The following KIF26B variants were observed in gnomAD, a reference collection of about 807,000 sequenced individuals.
KIF26B encodes the protein kinesin family member 26B.
Under a neutral mutation model 151.2 loss-of-function variants are expected in KIF26B, and 63 were observed. The observed-to-expected ratio is 0.42, with a 90% CI of 0.34 to 0.51. KIF26B has a LOEUF of 0.51. Ranked by LOEUF, KIF26B falls within the 20% of genes least tolerant of loss-of-function variation. The pLI is 0.07. For missense variants in KIF26B, 2,813 were observed against 2,913.6 expected (o/e 0.97, Z 0.79); for synonymous variants, 1,357 against 1,262.1 (o/e 1.08, Z -1.59).
At chr1:245,626,599 T>G (rs2103168263) in intron 9 of KIF26B, among the ~76,000 whole-genome samples, 1 of 152,298 alleles carries the variant, frequency 6.6e-6, no homozygotes, top group South Asian at 2.1e-4. Context: ...TTGTTTGGGT[T>G]TTTTGCTGTT....
rs113727391 is a variant in KIF26B at position 245,250,507 on chromosome 1, A to G, written c.465+93824A>G. On this transcript the variant is annotated intron_variant, in intron 2 of 14. Transcript: ENST00000407071. The stretch of plus-strand genomic sequence containing the variant: ...GTAACTCTTCATACCTGTCTTGGTC[A>G]TGTAATGTGCTGGCTCACAGGACAC... Among the ~76,000 whole-genome samples the G allele has an allele frequency of 5.5e-3, 844 of 152,316 alleles. 6 individuals are homozygous for G. The highest frequency in any genetic ancestry group is 0.019 in the African/African-American group (800 of 41,570).
intron 3 of KIF26B, among the ~76,000 whole-genome samples, chr1:245,390,937 A>ACAAAACAAAACAAAACAAAAC (rs1345289139): frequency 7.0e-6 from 1 of 143,132 alleles, no homozygotes; most frequent in Non-Finnish European, 1.5e-5. Context: ...AAAAAAAAAA[A>ACAAAACAAAACAAAACAAAAC]AAAAAAAAAA....
intron 4 of KIF26B, among the ~76,000 whole-genome samples, chr1:245,517,542 G>A (rs1264157145): frequency 6.6e-6 from 1 of 152,206 alleles, no homozygotes; most frequent in Non-Finnish European, 1.5e-5. Context: ...AGGGCAGGAA[G>A]CAGATATTTG....
At chr1:245,226,664 T>C (rs1390585921) in intron 2 of KIF26B, among the ~76,000 whole-genome samples, 1 of 152,130 alleles carries the variant, frequency 6.6e-6, no homozygotes, top group Non-Finnish European at 1.5e-5. Flanking sequence ...GGTTTCTCCA[T>C]GTTGGTCAGG....
At chr1:245,513,880 C>A (rs1341752984) in intron 4 of KIF26B, among the ~76,000 whole-genome samples, 1 of 151,988 alleles carries the variant, frequency 6.6e-6, no homozygotes, top group Non-Finnish European at 1.5e-5. Flanking sequence ...TCCCTGTAAA[C>A]TCCATTCCTC....
At chr1:245,206,479 A>G (rs1202276805) in intron 2 of KIF26B, 5 of 152,254 alleles carry the variant, frequency 3.3e-5, no homozygotes, top group African/African-American at 1.2e-4. Context: ...ATCATGCAAG[A>G]ATGTGTTCTT....
At chr1:245,499,477 G>T (rs1315885565) in intron 4 of KIF26B, among the ~76,000 whole-genome samples, 1 of 152,202 alleles carries the variant, frequency 6.6e-6, no homozygotes, top group East Asian at 1.9e-4. Flanking sequence ...CGGAAGTGAG[G>T]TAGAGATTAT....
chr1:245,636,960 T>C (rs1174074817), intron 9 of KIF26B, among the ~76,000 whole-genome samples: 1 of 152,074 alleles, frequency 6.6e-6, no homozygotes, highest in African/African-American at 2.4e-5. Flanking sequence ...CTATTGTGAA[T>C]AGTGCTACAA....
chr1:245,219,891 C>T (rs1669729398), intron 2 of KIF26B, among the ~76,000 whole-genome samples: 1 of 152,222 alleles, frequency 6.6e-6, no homozygotes, highest in African/African-American at 2.4e-5. Context: ...ACCCAGGCCA[C>T]TGGGACAGCC....
intron 3 of KIF26B, among the ~76,000 whole-genome samples, chr1:245,388,034 G>A (rs937593193): frequency 1.2e-4 from 18 of 152,258 alleles, no homozygotes; most frequent in African/African-American, 4.3e-4. Flanking sequence ...AAAGTGAGCG[G>A]CAGAGTTGCG....
chr1:245,576,243 T>C (rs1240489800), intron 5 of KIF26B, among the ~76,000 whole-genome samples: 1 of 152,156 alleles, frequency 6.6e-6, no homozygotes, highest in Non-Finnish European at 1.5e-5. Context: ...GACTCCAGAG[T>C]TACCGGGACG....
At chr1:245,459,383 C>T (rs1334220631) in intron 4 of KIF26B, among the ~76,000 whole-genome samples, 1 of 152,192 alleles carries the variant, frequency 6.6e-6, no homozygotes, top group Non-Finnish European at 1.5e-5. Context: ...TGTAACTCCT[C>T]TTCTATCCCC....
chr1:245,479,198 T>A (rs1660109155), intron 4 of KIF26B, among the ~76,000 whole-genome samples: 1 of 151,740 alleles, frequency 6.6e-6, no homozygotes, highest in Non-Finnish European at 1.5e-5. Context: ...CTGAGTAAGA[T>A]CACTAAGGCT....
chr1:245,617,751 C>A (rs2043607874), intron 9 of KIF26B, among the ~76,000 whole-genome samples: 1 of 152,148 alleles, frequency 6.6e-6, no homozygotes, highest in African/African-American at 2.4e-5. Flanking sequence ...ATTCCCATCA[C>A]CGCCTCCGTT....
intron 6 of KIF26B, among the ~76,000 whole-genome samples, chr1:245,604,241 G>T (rs2043426439): frequency 6.6e-6 from 1 of 152,176 alleles, no homozygotes; most frequent in Non-Finnish European, 1.5e-5. Flanking sequence ...ATAATCTATA[G>T]CAGAACCTGA....
chr1:245,473,261 G>A (rs1020379334), intron 4 of KIF26B, among the ~76,000 whole-genome samples: 1 of 152,240 alleles, frequency 6.6e-6, no homozygotes, highest in Admixed American at 6.5e-5. Context: ...TGGAGGGCTA[G>A]TATGCAGTGG....
At chr1:245,236,601 T>G (rs1348752229) in intron 2 of KIF26B, among the ~76,000 whole-genome samples, 1 of 152,196 alleles carries the variant, frequency 6.6e-6, no homozygotes, top group Non-Finnish European at 1.5e-5. Context: ...AAGGTTGAAG[T>G]TTGGTATGTT....
chr1:245,222,402 C>T (rs983404809), intron 2 of KIF26B, among the ~76,000 whole-genome samples: 1 of 152,044 alleles, frequency 6.6e-6, no homozygotes, highest in African/African-American at 2.4e-5. Flanking sequence ...GTACCATTGC[C>T]CTCCAGCCTG....
chr1:245,156,822 A>C lies in KIF26B; in HGVS notation c.465+139A>C, dbSNP rs2103515381. 9 of 474,408 alleles carry C rather than the reference A, an allele frequency of 1.9e-5. No homozygotes were observed. In the South Asian group the frequency reaches 5.9e-4, roughly 31 times the overall value. 29.4% of individuals were successfully genotyped at this position (474,408 alleles called of 1,614,324 possible). Reference sequence around the variant, plus strand: ...CCCGGCGGCGCTGGGGATGCTCCACACCTCACGGGGCTCTAGCACGCGGGG... The same window carrying C: ...CCCGGCGGCGCTGGGGATGCTCCACCCCTCACGGGGCTCTAGCACGCGGGG... On this transcript the variant is annotated intron_variant, in intron 2 of 14. Coordinates refer to ENST00000407071, the MANE Select transcript of KIF26B (RefSeq NM_018012.4).
Sources: gnomAD v4.1 joint callset for allele counts (sites outside exome capture counted in the v4.1 genomes callset) on GRCh38, gnomAD v4.1.1 for gene constraint, MANE v1.5 for transcripts, NCBI Gene and HGNC (gene_info 2026-07-23, HGNC 2026-07-21) for gene names.